The following DCHS2 variants were observed in gnomAD, a reference collection of about 807,000 sequenced individuals.
The protein encoded by DCHS2 is dachsous cadherin-related 2.
In DCHS2, 142 loss-of-function variants were observed where a neutral mutation model predicts 182.4. The ratio of observed to expected loss-of-function variants is 0.78; its 90% CI spans 0.68 to 0.89. The LOEUF (loss-of-function observed/expected upper bound fraction) is 0.89. Ranked by LOEUF, DCHS2 falls within the 40% of genes least tolerant of loss-of-function variation. The probability of loss-of-function intolerance (pLI) is 0.00; values close to 1 mark genes in which losing one functional copy is unlikely to be tolerated. For missense variants in DCHS2, 4,319 were observed against 4,198.6 expected, an observed-to-expected ratio of 1.03 and a Z score of -0.79; for synonymous variants, 1,740 against 1,663.3, an observed-to-expected ratio of 1.05 and a Z score of -1.12.
rs559114526 is a variant in DCHS2 at position 154,464,881 on chromosome 4, G to A, written c.2052+24423C>T. On this transcript the variant is annotated intron_variant, in intron 1 of 19. Coordinates refer to ENST00000357232, the MANE Select transcript of DCHS2 (RefSeq NM_001358235.2). Reference sequence around the variant, plus strand: ...GGAGTAAAGCTGAACCACAACTTCCGCCCTTGCAACTCAGCTTTGAATTAT... The same window carrying A: ...GGAGTAAAGCTGAACCACAACTTCCACCCTTGCAACTCAGCTTTGAATTAT... Among the ~76,000 whole-genome samples the A allele has an allele frequency of 1.2e-4, 18 of 152,226 alleles. No homozygotes were observed. The South Asian group carries it at 2.9e-3, about 25-fold the overall frequency.
rs540181201 is a variant in DCHS2, at chr4:154,304,427, A to G, written c.5605+242T>C. On this transcript the variant is annotated intron_variant, in intron 12 of 19. Transcript: ENST00000357232. ...TGACTGGGTGTGTATTTTGTAGAGA[A>G]AAGCAACAGGTATCAAACACAGAGT... Among the ~76,000 whole-genome samples the G allele has an allele frequency of 1.3e-4, 20 of 152,226 alleles. 1 individual carries two copies. The East Asian group carries it at 3.9e-3, about 29-fold the overall frequency.
intron 1 of DCHS2, among the ~76,000 whole-genome samples, chr4:154,465,542 C>T (rs1312850015): frequency 6.6e-6 from 1 of 151,824 alleles, no homozygotes; most frequent in African/African-American, 2.4e-5. Flanking sequence ...GGTGGCGCAC[C>T]CCTGTAATCC....
At chr4:154,251,328 G>A (rs1048327384) in intron 16 of DCHS2, among the ~76,000 whole-genome samples, 50 of 152,260 alleles carry the variant, frequency 3.3e-4, no homozygotes, top group African/African-American at 1.2e-3. Flanking sequence ...CTAGAATCAT[G>A]TTCTACCATG....
At chr4:154,345,692 A>G (rs1186780497) in intron 3 of DCHS2, among the ~76,000 whole-genome samples, 1 of 152,112 alleles carries the variant, frequency 6.6e-6, no homozygotes, top group Non-Finnish European at 1.5e-5. Flanking sequence ...GTTAAAGCCC[A>G]TGAGAGCAAG....
At chr4:154,300,510 CAAAA>C (rs61371659) in intron 12 of DCHS2, among the ~76,000 whole-genome samples, 10,477 of 108,122 alleles carry the variant, frequency 0.097, 996 homozygotes, top group African/African-American at 0.27. Context: ...CTCATCTCTA[CAAAA>C]AAAAAAAAAA....
chr4:154,345,675 C>A (rs202073336), intron 3 of DCHS2, among the ~76,000 whole-genome samples: 1 of 1,588 alleles, frequency 6.3e-4, no homozygotes, highest in Non-Finnish European at 0.012. Context: ...GTTTGTCCCC[C>A]TCACAAGTTA....
intron 1 of DCHS2, among the ~76,000 whole-genome samples, chr4:154,466,811 A>C (rs1001428609): frequency 1.3e-5 from 2 of 152,198 alleles, no homozygotes; most frequent in African/African-American, 4.8e-5. Flanking sequence ...TTAGTTCAAG[A>C]AATATAGGTA....
chr4:154,471,690 C>T (rs750268290), intron 1 of DCHS2, among the ~76,000 whole-genome samples: 5 of 152,056 alleles, frequency 3.3e-5, no homozygotes, highest in African/African-American at 2.4e-5. Flanking sequence ...ATTATGGTCA[C>T]GTGCAGAGCA....
intron 1 of DCHS2, among the ~76,000 whole-genome samples, chr4:154,459,345 A>G (rs996714011): frequency 2.0e-5 from 3 of 152,176 alleles, no homozygotes; most frequent in Non-Finnish European, 2.9e-5. Context: ...CAAAGCTCTC[A>G]TTATAGAATT....
intron 1 of DCHS2, among the ~76,000 whole-genome samples, chr4:154,381,671 C>G (rs555657857): frequency 2.0e-5 from 3 of 152,140 alleles, no homozygotes; most frequent in African/African-American, 7.2e-5. Context: ...ATCAAGAACA[C>G]AATCCCATTT....
At chr4:154,473,663 A>G (rs556901901) in intron 1 of DCHS2, among the ~76,000 whole-genome samples, 22 of 152,260 alleles carry the variant, frequency 1.4e-4, no homozygotes, top group Non-Finnish European at 2.8e-4. Context: ...GCCAAGCGTG[A>G]GGGGATTCTA....
At chr4:154,307,451 A>G (rs1251478126) in intron 10 of DCHS2, among the ~76,000 whole-genome samples, 5 of 152,126 alleles carry the variant, frequency 3.3e-5, no homozygotes, top group Admixed American at 2.6e-4. Flanking sequence ...GCACACACAC[A>G]CACACACACA....
intron 1 of DCHS2, among the ~76,000 whole-genome samples, chr4:154,399,213 C>A (rs1001559968): frequency 8.5e-5 from 13 of 152,176 alleles, no homozygotes; most frequent in Non-Finnish European, 1.9e-4. Flanking sequence ...AATATGGTAT[C>A]ATTCCCAGAA....
intron 1 of DCHS2, among the ~76,000 whole-genome samples, chr4:154,395,166 G>C (rs561496372): frequency 6.6e-6 from 1 of 152,278 alleles, no homozygotes; most frequent in African/African-American, 2.4e-5. Context: ...TATGTTAGCT[G>C]TTTATATCAT....
rs149412592 is a variant in DCHS2, at chr4:154,369,939, A to C, written c.2245-3498T>G. On this transcript the variant is annotated intron_variant, in intron 2 of 19. Coordinates refer to ENST00000357232, the MANE Select transcript of DCHS2 (RefSeq NM_001358235.2). ...CAGGTAGGGAACATTTTCTACCGTT[A>C]CTTCTACTTTGGTAATTGTCTGCTT... Among the ~76,000 whole-genome samples the C allele has an allele frequency of 6.4e-3, 974 of 152,252 alleles. 11 individuals carry two copies. The highest frequency in any genetic ancestry group is 0.022 in the African/African-American group (922 of 41,548).
Position 154,489,777 on chromosome 4 carries a change from G to A in DCHS2, c.1579C>T (p.Leu527Phe), listed in dbSNP as rs368624067. 1.9e-4 allele frequency: 292 copies of A among 1,551,546 alleles called. No individual in the cohort carries two copies. Among genetic ancestry groups the A allele is most frequent in the Non-Finnish European group, 2.2e-4 (250 of 1,146,970 alleles). The part of the protein sequence containing the change: ...PPLSTEETLL[L>F]RVADLNDQPP... The stretch of plus-strand genomic sequence containing the variant: ...TGGTCATTGAGGTCAGCGACCCGGA[G>A]TAGCAGCGTCTCCTCCGTGCTCAGC... Residue 527 changes from leucine to phenylalanine, a missense_variant, in exon 1 of 20, where the codon CTC becomes TTC. Transcript: ENST00000357232.
At position 154,233,308 on chromosome 4, in the gene DCHS2, G is replaced by A. The variant is rs1403009769; in HGVS notation, c.*1228C>T. ...CAGGCTTATCAGAAAGAAGGCTAGA[G>A]CATTGTATGTGAGCACCATCTAGCA... On this transcript the variant is annotated 3_prime_UTR_variant, in exon 20 of 20. Transcript: ENST00000357232. 6.6e-6 allele frequency: 1 copy of A among 152,118 alleles called. No individual in the cohort carries two copies. Among genetic ancestry groups the A allele is most frequent in the Admixed American group, 6.6e-5 (1 of 15,256 alleles). 9.4% of individuals were successfully genotyped at this position (152,118 alleles called of 1,614,324 possible). A position where few individuals can be genotyped will look rare whatever the true frequency, so the allele number is the denominator to read the frequency against.
chr4:154,324,606 T>C (rs1736205665), intron 7 of DCHS2, among the ~76,000 whole-genome samples: 1 of 152,194 alleles, frequency 6.6e-6, no homozygotes. Context: ...TTCAATAAAA[T>C]CTGAACATTT....
At chr4:154,436,002 C>A (rs911531931) in intron 1 of DCHS2, among the ~76,000 whole-genome samples, 1 of 152,196 alleles carries the variant, frequency 6.6e-6, no homozygotes, top group African/African-American at 2.4e-5. Flanking sequence ...TATTCACAAA[C>A]TTTGTAAACC....
Sources: gnomAD v4.1 joint callset for allele counts (sites outside exome capture counted in the v4.1 genomes callset) on GRCh38, gnomAD v4.1.1 for gene constraint, MANE v1.5 for transcripts, NCBI Gene and HGNC (gene_info 2026-07-23, HGNC 2026-07-21) for gene names.